BBX: variants seen among roughly 807,000 people sequenced by gnomAD.
The protein encoded by BBX is HMG box transcription factor BBX.
A neutral mutation model predicts 100.2 loss-of-function variants in BBX; 30 were observed. The observed-to-expected ratio is 0.30, with a 90% CI of 0.22 to 0.41. The LOEUF is 0.41. BBX is among the 10% of genes least tolerant of loss of function. The pLI is 1.00. For missense variants in BBX, 1,023 were observed against 1,129.8 expected (o/e 0.91, Z 1.35); for synonymous variants, 376 against 388.1 (o/e 0.97, Z 0.37).
chr3:107,619,191 A>G (rs1168785855), intron 2 of BBX, among the ~76,000 whole-genome samples: 1 of 152,072 alleles, frequency 6.6e-6, no homozygotes, highest in African/African-American at 2.4e-5. Context: ...TCCTATTAAT[A>G]TAGCACTCCT....
chr3:107,771,718 C>G (rs904519038), intron 10 of BBX, among the ~76,000 whole-genome samples: 1 of 152,118 alleles, frequency 6.6e-6, no homozygotes, highest in African/African-American at 2.4e-5. Flanking sequence ...GTTCTCAGAG[C>G]ATTTATGACT....
intron 8 of BBX, 59 bp downstream of exon 8, chr3:107,744,769 G>C: frequency 7.3e-7 from 1 of 1,368,038 alleles, no homozygotes; most frequent in East Asian, 2.3e-5. Flanking sequence ...GCTTAAATTG[G>C]GGCTGATAAC....
At chr3:107,725,383 A>G (rs938825220) in intron 5 of BBX, among the ~76,000 whole-genome samples, 1 of 152,046 alleles carries the variant, frequency 6.6e-6, no homozygotes, top group African/African-American at 2.4e-5. Flanking sequence ...CTCTTTTCCT[A>G]ATTGAATACC....
At chr3:107,635,863 C>T (rs1404568241) in intron 2 of BBX, among the ~76,000 whole-genome samples, 2 of 152,058 alleles carry the variant, frequency 1.3e-5, no homozygotes, top group Admixed American at 6.5e-5. Context: ...AGGCGCCTGC[C>T]ACTACGCCTG....
At chr3:107,569,884 T>C (rs771559626) in intron 2 of BBX, among the ~76,000 whole-genome samples, 30 of 152,304 alleles carry the variant, frequency 2.0e-4, no homozygotes, top group Non-Finnish European at 4.1e-4. Flanking sequence ...TCCAAGGTGA[T>C]TGGGCAGCGT....
At chr3:107,556,042 G>T (rs939118431) in intron 2 of BBX, among the ~76,000 whole-genome samples, 2 of 152,110 alleles carry the variant, frequency 1.3e-5, no homozygotes, top group Non-Finnish European at 2.9e-5. Flanking sequence ...TTGATGTCAG[G>T]GTTGAGAAAG....
intron 4 of BBX, among the ~76,000 whole-genome samples, chr3:107,713,959 A>ATTTTTTTATTTT: frequency 9.8e-6 from 1 of 102,450 alleles, no homozygotes; most frequent in East Asian, 2.6e-4. Flanking sequence ...TTTTTTAATA[A>ATTTTTTTATTTT]TTTTTTTCTT....
chr3:107,800,216 G>GT (rs2070286129), intron 16 of BBX, among the ~76,000 whole-genome samples: 1 of 152,188 alleles, frequency 6.6e-6, no homozygotes, highest in Admixed American at 6.5e-5. Flanking sequence ...ATGTCCTGAT[G>GT]TTTAGCCCAG....
chr3:107,718,545 A>G (rs1373156744), intron 5 of BBX, among the ~76,000 whole-genome samples: 1 of 151,984 alleles, frequency 6.6e-6, no homozygotes, highest in Admixed American at 6.6e-5. Flanking sequence ...CTGAAACCTC[A>G]TAGGGAAATG....
intron 2 of BBX, among the ~76,000 whole-genome samples, chr3:107,530,043 G>A (rs1002335982): frequency 2.6e-5 from 4 of 152,154 alleles, no homozygotes; most frequent in African/African-American, 9.7e-5. Flanking sequence ...AAATATGTAA[G>A]TTCGAGAATC....
chr3:107,633,204 A>T (rs2056653412), intron 2 of BBX, among the ~76,000 whole-genome samples: 1 of 152,148 alleles, frequency 6.6e-6, no homozygotes, highest in Non-Finnish European at 1.5e-5. Flanking sequence ...AAAAACAGTT[A>T]TATGAAAATA....
At chr3:107,637,386 A>G (rs2107751498) in intron 2 of BBX, among the ~76,000 whole-genome samples, 1 of 152,286 alleles carries the variant, frequency 6.6e-6, no homozygotes, top group Middle Eastern at 3.4e-3. Flanking sequence ...CTGTAGAGGA[A>G]CACAGGAAGA....
chr3:107,615,257 A>G (rs1355714864), intron 2 of BBX, among the ~76,000 whole-genome samples: 1 of 152,200 alleles, frequency 6.6e-6, no homozygotes, highest in African/African-American at 2.4e-5. Context: ...GAGAATAAGA[A>G]TGAGTAAACC....
In BBX at chr3:107,716,600, G is replaced by A; in HGVS notation, c.163-7G>A. 1 of 1,611,874 alleles carries A rather than the reference G, an allele frequency of 6.2e-7. No individual in the cohort carries two copies. Among genetic ancestry groups the A allele is most frequent in the South Asian group, 1.1e-5 (1 of 90,984 alleles). On this transcript the variant is annotated splice_polypyrimidine_tract_variant and splice_region_variant and intron_variant, in intron 4 of 17. Coordinates refer to ENST00000325805, the MANE Select transcript of BBX (RefSeq NM_001142568.3). ...TAAAGATCTGGCTTTGTTTTTGGTG[G>A]TAATAGGTTCAACTTCTTGGGGCCG...
At chr3:107,523,398 G>C (rs1465117108) in intron 1 of BBX, 1 of 153,958 alleles carries the variant, frequency 6.5e-6, no homozygotes, top group Non-Finnish European at 1.4e-5. Flanking sequence ...GCGCCGGCTG[G>C]GGCCGGGGGG....
chr3:107,594,687 C>G (rs2053559090), intron 2 of BBX, among the ~76,000 whole-genome samples: 1 of 152,098 alleles, frequency 6.6e-6, no homozygotes, highest in Non-Finnish European at 1.5e-5. Context: ...ATAGTATTTA[C>G]CACATCATAG....
At chr3:107,667,850 T>G (rs2058831797) in intron 3 of BBX, among the ~76,000 whole-genome samples, 1 of 152,160 alleles carries the variant, frequency 6.6e-6, no homozygotes, top group African/African-American at 2.4e-5. Flanking sequence ...CAGGTCTTGC[T>G]TGAATAACAA....
intron 2 of BBX, among the ~76,000 whole-genome samples, chr3:107,622,060 G>GA (rs1174184744): frequency 2.0e-5 from 3 of 152,102 alleles, no homozygotes; most frequent in Non-Finnish European, 4.4e-5. Context: ...TTCATCACCT[G>GA]AAAAAATTCT....
At chr3:107,585,508 A>C (rs945037329) in intron 2 of BBX, among the ~76,000 whole-genome samples, 5 of 152,314 alleles carry the variant, frequency 3.3e-5, no homozygotes, top group African/African-American at 1.2e-4. Flanking sequence ...ACAATTAAAA[A>C]GTCTTTAAAT....
Sources: gnomAD v4.1 joint callset for allele counts (sites outside exome capture counted in the v4.1 genomes callset) on GRCh38, gnomAD v4.1.1 for gene constraint, MANE v1.5 for transcripts, NCBI Gene and HGNC (gene_info 2026-07-23, HGNC 2026-07-21) for gene names.